Variants in CDH13 observed in about 807,000 individuals in gnomAD.
CDH13 encodes cadherin 13.
In CDH13, 24 loss-of-function variants were observed where a neutral mutation model predicts 63.8. That is an observed-to-expected ratio of 0.38 (90% CI 0.27 to 0.53). The LOEUF is 0.53. CDH13 is among the 20% of genes least tolerant of loss of function. The pLI is 0.85. For missense variants in CDH13, 1,049 were observed against 903.1 expected, an observed-to-expected ratio of 1.16 and a Z score of -2.07; for synonymous variants, 503 against 355.3, an observed-to-expected ratio of 1.42 and a Z score of -4.67.
At chr16:83,729,522 C>G (rs1286687433) in intron 10 of CDH13, among the ~76,000 whole-genome samples, 3 of 152,190 alleles carry the variant, frequency 2.0e-5, no homozygotes, top group Non-Finnish European at 4.4e-5. Context: ...AGACCCAGGT[C>G]AGACAGCGAG....
intron 6 of CDH13, among the ~76,000 whole-genome samples, chr16:83,445,330 C>T (rs771232374): frequency 2.9e-5 from 3 of 103,612 alleles, no homozygotes; most frequent in East Asian, 2.0e-4. Context: ...TTCACCTACC[C>T]GAATCATTCT....
At chr16:82,816,042 G>A (rs909478972) in intron 1 of CDH13, among the ~76,000 whole-genome samples, 18 of 152,258 alleles carry the variant, frequency 1.2e-4, no homozygotes, top group African/African-American at 4.1e-4. Flanking sequence ...CTGATACATT[G>A]TTGTCAGAAA....
intron 7 of CDH13, among the ~76,000 whole-genome samples, chr16:83,600,335 C>T (rs992823576): frequency 6.6e-6 from 1 of 152,162 alleles, no homozygotes; most frequent in African/African-American, 2.4e-5. Context: ...ACTAACTTCC[C>T]ACTCATCACC....
chr16:83,152,047 C>T (rs1329475877), intron 4 of CDH13, among the ~76,000 whole-genome samples: 1 of 151,926 alleles, frequency 6.6e-6, no homozygotes, highest in Non-Finnish European at 1.5e-5. Flanking sequence ...AGTCTATAAC[C>T]ATTGACTTTT....
intron 6 of CDH13, among the ~76,000 whole-genome samples, chr16:83,372,250 C>G (rs2091380968): frequency 1.3e-5 from 2 of 152,160 alleles, no homozygotes; most frequent in South Asian, 2.1e-4. Context: ...CAAGATTGCT[C>G]AACTAGTGAC....
intron 5 of CDH13, among the ~76,000 whole-genome samples, chr16:83,312,159 C>T (rs570645014): frequency 6.6e-6 from 1 of 152,038 alleles, no homozygotes; most frequent in Non-Finnish European, 1.5e-5. Flanking sequence ...CATTTTCTGC[C>T]CTTGATTGCA....
intron 8 of CDH13, among the ~76,000 whole-genome samples, chr16:83,632,529 C>A (rs1451972272): frequency 2.0e-5 from 3 of 151,820 alleles, no homozygotes; most frequent in African/African-American, 7.3e-5. Context: ...GATCAGGAAG[C>A]TGAGGGTTAG....
At chr16:82,651,490 C>T (rs557948861) in intron 1 of CDH13, among the ~76,000 whole-genome samples, 1 of 152,346 alleles carries the variant, frequency 6.6e-6, no homozygotes, top group African/African-American at 2.4e-5. Context: ...CTTCTGACTC[C>T]ATATTACTTT....
intron 6 of CDH13, among the ~76,000 whole-genome samples, chr16:83,438,224 T>G (rs1598020474): frequency 6.6e-6 from 1 of 152,324 alleles, no homozygotes; most frequent in African/African-American, 2.4e-5. Flanking sequence ...CAGATGAAAC[T>G]GGAATATTTG....
At chr16:83,000,037 CA>C (rs568386134) in intron 2 of CDH13, among the ~76,000 whole-genome samples, 46 of 151,920 alleles carry the variant, frequency 3.0e-4, no homozygotes, top group African/African-American at 1.1e-3. Flanking sequence ...ACAACAACAA[CA>C]AAAAAATATC....
At chr16:82,795,800 T>C (rs2036552750) in intron 1 of CDH13, among the ~76,000 whole-genome samples, 1 of 152,090 alleles carries the variant, frequency 6.6e-6, no homozygotes, top group Non-Finnish European at 1.5e-5. Context: ...TGCCAGTTTG[T>C]CTTGGGTCCT....
intron 4 of CDH13, among the ~76,000 whole-genome samples, chr16:83,160,911 T>G (rs1198533786): frequency 1.3e-5 from 2 of 152,184 alleles, no homozygotes; most frequent in Non-Finnish European, 2.9e-5. Flanking sequence ...CAGTACACAT[T>G]TTTCCGTTAC....
intron 7 of CDH13, among the ~76,000 whole-genome samples, chr16:83,567,814 C>G (rs1010605587): frequency 6.6e-6 from 1 of 152,170 alleles, no homozygotes; most frequent in Non-Finnish European, 1.5e-5. Flanking sequence ...CCAGGATGGT[C>G]TCAATCTCCT....
chr16:83,008,454 T>A (rs1342200282), intron 2 of CDH13, among the ~76,000 whole-genome samples: 1 of 152,138 alleles, frequency 6.6e-6, no homozygotes, highest in East Asian at 1.9e-4. Flanking sequence ...GAGGAAGAAC[T>A]AGGAGACCAG....
chr16:83,263,632 A>T (rs978339095), intron 5 of CDH13, among the ~76,000 whole-genome samples: 4 of 152,248 alleles, frequency 2.6e-5, no homozygotes, highest in African/African-American at 9.6e-5. Flanking sequence ...GCCAATGTAG[A>T]GGATTAAAAC....
At chr16:82,860,449 G>A (rs1307845409) in intron 2 of CDH13, among the ~76,000 whole-genome samples, 1 of 150,840 alleles carries the variant, frequency 6.6e-6, no homozygotes, top group African/African-American at 2.4e-5. Context: ...AGTGGGTTAT[G>A]GTTGTTGCTT....
intron 5 of CDH13, among the ~76,000 whole-genome samples, chr16:83,247,643 G>A (rs1905102162): frequency 6.6e-6 from 1 of 152,102 alleles, no homozygotes; most frequent in Non-Finnish European, 1.5e-5. Context: ...AAGCCTGAGG[G>A]AAAATGAGAA....
At chr16:83,152,359 A>G (rs747123048) in intron 4 of CDH13, among the ~76,000 whole-genome samples, 21 of 152,242 alleles carry the variant, frequency 1.4e-4, no homozygotes, top group Admixed American at 2.6e-4. Flanking sequence ...TTTTAAACAT[A>G]TAGAAAAATG....
chr16:83,246,756 C>G (rs1020243515), intron 5 of CDH13, among the ~76,000 whole-genome samples: 1 of 152,178 alleles, frequency 6.6e-6, no homozygotes, highest in Non-Finnish European at 1.5e-5. Context: ...TGGATCTAAT[C>G]ACTTCCTTGC....
Sources: gnomAD v4.1 joint callset for allele counts (sites outside exome capture counted in the v4.1 genomes callset) on GRCh38, gnomAD v4.1.1 for gene constraint, MANE v1.5 for transcripts, NCBI Gene and HGNC (gene_info 2026-07-23, HGNC 2026-07-21) for gene names.